Variants in SCYL2 observed in about 807,000 individuals in gnomAD.
The protein encoded by SCYL2 is SCY1 like pseudokinase 2, also known as SCY1-like protein 2.
SCYL2 carries 36 observed loss-of-function variants against 100.4 expected under a neutral mutation model. The ratio of observed to expected loss-of-function variants is 0.36; its 90% CI spans 0.27 to 0.47. The LOEUF (loss-of-function observed/expected upper bound fraction) is 0.47, where lower values mean the gene tolerates loss of function less well. SCYL2 is among the 20% of genes least tolerant of loss of function. SCYL2 has a pLI of 1.00. For synonymous variants in SCYL2, 330 were observed against 359.2 expected (o/e 0.92, Z 0.92); for missense variants, 902 against 1,083.9 (o/e 0.83, Z 2.36).
intron 10 of SCYL2, among the ~76,000 whole-genome samples, chr12:100,318,433 C>G (rs550540802): frequency 6.6e-6 from 1 of 150,878 alleles, no homozygotes; most frequent in South Asian, 2.1e-4. Context: ...TGGGTTCAAG[C>G]AATTCTCCTG....
At chr12:100,311,299 C>A in intron 5 of SCYL2, 106 bp downstream of exon 5, 1 of 1,093,836 alleles carries the variant, frequency 9.1e-7, no homozygotes, top group Non-Finnish European at 1.2e-6. Context: ...TTTAGATATA[C>A]AGCTTTATAG....
At chr12:100,336,701 TTCTC>T (rs1408926163) in intron 16 of SCYL2, among the ~76,000 whole-genome samples, 9 of 152,162 alleles carry the variant, frequency 5.9e-5, no homozygotes, top group Non-Finnish European at 1.2e-4. Context: ...CATTTTTTTC[TTCTC>T]TATTTCTTGC....
chr12:100,288,135 T>C (rs1464745458), intron 2 of SCYL2, among the ~76,000 whole-genome samples: 1 of 152,208 alleles, frequency 6.6e-6, no homozygotes, highest in African/African-American at 2.4e-5. Flanking sequence ...AGGAAGTCAG[T>C]ATGAGGCCTG....
chr12:100,321,873 T>C (rs966487290), intron 10 of SCYL2, among the ~76,000 whole-genome samples: 6 of 151,626 alleles, frequency 4.0e-5, no homozygotes, highest in Non-Finnish European at 7.4e-5. Flanking sequence ...TAAGACCCTG[T>C]CTGTACCAAA....
chr12:100,294,441 T>G (rs1337221146), intron 3 of SCYL2, among the ~76,000 whole-genome samples: 1 of 42,072 alleles, frequency 2.4e-5, no homozygotes, highest in African/African-American at 9.6e-5. Flanking sequence ...GGCTCCTCAC[T>G]TCCCAGTAGG....
chr12:100,271,260 CAAAAAA>C (rs11354103), intron 1 of SCYL2, among the ~76,000 whole-genome samples: 3 of 83,338 alleles, frequency 3.6e-5, no homozygotes, highest in African/African-American at 1.1e-4. Context: ...TGCAGAGCAG[CAAAAAA>C]AAAAAAAAAA....
chr12:100,277,491 A>G (rs556616543), intron 1 of SCYL2, among the ~76,000 whole-genome samples: 1 of 152,316 alleles, frequency 6.6e-6, no homozygotes, highest in Admixed American at 6.5e-5. Flanking sequence ...TGAATTGACA[A>G]CTTTGTCATT....
chr12:100,308,967 G>T (rs2096338241), intron 4 of SCYL2, among the ~76,000 whole-genome samples: 1 of 152,138 alleles, frequency 6.6e-6, no homozygotes, highest in Non-Finnish European at 1.5e-5. Context: ...CCCAGTAAGG[G>T]ACTGGGGAGA....
intron 9 of SCYL2, among the ~76,000 whole-genome samples, chr12:100,316,711 TC>T (rs2096349136): frequency 6.6e-6 from 1 of 152,218 alleles, no homozygotes; most frequent in Non-Finnish European, 1.5e-5. Flanking sequence ...GAGCCACTGT[TC>T]CCTAAGCTAT....
intron 4 of SCYL2, among the ~76,000 whole-genome samples, chr12:100,305,471 A>G (rs754092883): frequency 9.2e-5 from 14 of 152,242 alleles, no homozygotes; most frequent in Non-Finnish European, 1.9e-4. Flanking sequence ...ACAAAGACAC[A>G]ACATACCAGA....
intron 4 of SCYL2, among the ~76,000 whole-genome samples, chr12:100,303,254 C>T (rs567057851): frequency 3.9e-4 from 60 of 152,190 alleles, no homozygotes; most frequent in African/African-American, 1.2e-3. Flanking sequence ...TCTGTCAATT[C>T]GTCAAACTTA....
In SCYL2 at chr12:100,314,732, A is replaced by G. The variant is rs942608269; in HGVS notation, c.1095+118A>G. 14 of 988,828 alleles carry G rather than the reference A, an allele frequency of 1.4e-5. No homozygotes were observed. The African/African-American group carries it at 2.4e-4, about 17-fold the overall frequency. The allele number at this position is 988,828 out of a possible 1,614,324, so 61.3% of individuals were successfully genotyped here. A position where few individuals can be genotyped will look rare whatever the true frequency, so the allele number is the denominator to read the frequency against. ...TAACTTTGCCTGAGGTACATAAATG[A>G]CTATAAAACACTGCCAACTGAAGCC... On this transcript the variant is annotated intron_variant, in intron 8 of 17. Coordinates refer to ENST00000360820, the MANE Select transcript of SCYL2 (RefSeq NM_017988.6).
intron 4 of SCYL2, among the ~76,000 whole-genome samples, chr12:100,299,583 T>A (rs1378559972): frequency 6.6e-6 from 1 of 152,176 alleles, no homozygotes; most frequent in African/African-American, 2.4e-5. Context: ...TATGGGTAGA[T>A]TTGCATTTTC....
At chr12:100,276,202 G>A (rs937649678) in intron 1 of SCYL2, among the ~76,000 whole-genome samples, 6 of 152,126 alleles carry the variant, frequency 3.9e-5, no homozygotes, top group African/African-American at 1.4e-4. Context: ...GAGAGTTTGT[G>A]TAGACTTGGT....
Position 100,283,117 on chromosome 12 carries a change from T to C in SCYL2, c.147T>C (p.Ile49=). ...ASGGNGLAWK[I]FNGTKKSTKQ... Reference sequence around the variant, plus strand: ...GTGGCAATGGGCTAGCTTGGAAGATTTTTAATGGCACAAAAAAGTCAACAA... The same window carrying C: ...GTGGCAATGGGCTAGCTTGGAAGATCTTTAATGGCACAAAAAAGTCAACAA... The change falls in exon 2 of 18, where the codon ATT becomes ATC. Residue 49 remains isoleucine (I), a synonymous_variant. Coordinates refer to ENST00000360820, the MANE Select transcript of SCYL2 (RefSeq NM_017988.6). 6.2e-7 allele frequency: 1 copy of C among 1,606,954 alleles called. No homozygotes were observed. Among genetic ancestry groups the C allele is most frequent in the Non-Finnish European group, 8.5e-7 (1 of 1,178,010 alleles).
intron 3 of SCYL2, among the ~76,000 whole-genome samples, chr12:100,292,525 A>G (rs1298658910): frequency 2.0e-5 from 3 of 152,202 alleles, no homozygotes; most frequent in East Asian, 1.9e-4. Context: ...AGTTTCTGCA[A>G]TTCTTACGTT....
intron 3 of SCYL2, among the ~76,000 whole-genome samples, chr12:100,295,753 G>A (rs1231044250): frequency 1.3e-5 from 2 of 150,670 alleles, no homozygotes; most frequent in Non-Finnish European, 3.0e-5. Context: ...GGGGAGACGG[G>A]GGAGACCGTG....
chr12:100,294,701 A>AC (rs1173157100), intron 3 of SCYL2, among the ~76,000 whole-genome samples: 5 of 79,442 alleles, frequency 6.3e-5, no homozygotes, highest in East Asian at 3.9e-4. Context: ...CGGGGGGCTG[A>AC]CCCCCCCACC....
intron 10 of SCYL2, among the ~76,000 whole-genome samples, chr12:100,318,631 C>T (rs2096352092): frequency 1.3e-5 from 2 of 152,144 alleles, no homozygotes; most frequent in South Asian, 2.1e-4. Flanking sequence ...TGGGCGTGGC[C>T]ACGTGTGCCT....
Sources: gnomAD v4.1 joint callset for allele counts (sites outside exome capture counted in the v4.1 genomes callset) on GRCh38, gnomAD v4.1.1 for gene constraint, MANE v1.5 for transcripts, NCBI Gene and HGNC (gene_info 2026-07-23, HGNC 2026-07-21) for gene names.